UGT2B11: variants seen among roughly 807,000 people sequenced by gnomAD.
UGT2B11 encodes the protein UDP-glucuronosyltransferase 2B11.
UGT2B11 carries 49 observed loss-of-function variants against 51.7 expected under a neutral mutation model. The observed-to-expected ratio is 0.95, with a 90% CI of 0.75 to 1.20. UGT2B11 has a LOEUF of 1.20. UGT2B11 is among the 50% of genes most tolerant of loss of function. UGT2B11 has a pLI of 0.00. For missense variants in UGT2B11, 810 were observed against 622.1 expected, an observed-to-expected ratio of 1.30 and a Z score of -3.21; for synonymous variants, 273 against 209.0, an observed-to-expected ratio of 1.31 and a Z score of -2.64.
At chr4:69,222,510 G>T in the UGT2B11 span, among the ~76,000 whole-genome samples, 1 of 152,122 alleles carries the variant, frequency 6.6e-6, no homozygotes, top group African/African-American at 2.4e-5. Flanking sequence ...CTACACTGAG[G>T]ACTGCCTGTT....
intron 1 of UGT2B11, among the ~76,000 whole-genome samples, chr4:69,213,156 TG>T (rs1722139520): frequency 6.9e-6 from 1 of 145,640 alleles, no homozygotes; most frequent in Non-Finnish European, 1.5e-5. Context: ...CTTTTATCTT[TG>T]GTTCAAGTGA....
chr4:69,214,728 T>C lies in UGT2B11; in HGVS notation c.-6A>G. The C allele has an allele frequency of 1.2e-6, 2 of 1,609,466 alleles. No individual in the cohort carries two copies. The highest frequency in any genetic ancestry group is 1.7e-6 in the Non-Finnish European group (2 of 1,177,652). ...GAAGTCCATTTCAGAGTCATCCTGGTGCAATGCGATCATTCTTTTCCAGTC... is the reference window on the plus strand; with the variant it reads ...GAAGTCCATTTCAGAGTCATCCTGGCGCAATGCGATCATTCTTTTCCAGTC... On this transcript the variant is annotated 5_prime_UTR_variant, in exon 1 of 6. Coordinates refer to ENST00000446444, the MANE Select transcript of UGT2B11 (RefSeq NM_001073.3).
At chr4:69,221,554 C>T in the UGT2B11 span, among the ~76,000 whole-genome samples, 3 of 152,094 alleles carry the variant, frequency 2.0e-5, no homozygotes, top group Non-Finnish European at 4.4e-5. Flanking sequence ...ATGGCCCCAG[C>T]TTTGGCTAAT....
the UGT2B11 span, among the ~76,000 whole-genome samples, chr4:69,224,144 A>G: frequency 6.6e-6 from 1 of 152,126 alleles, no homozygotes; most frequent in Non-Finnish European, 1.5e-5. Context: ...AGAATTTAAG[A>G]CTTTTAAATA....
rs1376133246 is a variant in UGT2B11, at chr4:69,205,338, T to C, written c.1090+142A>G. On this transcript the variant is annotated intron_variant, in intron 4 of 5. Transcript: ENST00000446444. ...TCATAAAATGCCAACAATTCTACCA[T>C]ATTCTTTTCCCCTAGGACTGGAAAA... 8 of 1,111,894 alleles carry C rather than the reference T, an allele frequency of 7.2e-6. No individual in the cohort carries two copies. In the South Asian group the frequency reaches 1.2e-4, roughly 17 times the overall value. 68.9% of individuals were successfully genotyped at this position (1,111,894 alleles called of 1,614,324 possible).
In UGT2B11 at chr4:69,204,569, C is replaced by T; in HGVS notation, c.1171G>A (p.Val391Met). 6.2e-7 allele frequency: 1 copy of T among 1,612,200 alleles called. No individual in the cohort carries two copies. Among genetic ancestry groups the T allele is most frequent in the Non-Finnish European group, 8.5e-7 (1 of 1,178,870 alleles). The stretch of plus-strand genomic sequence containing the variant: ...TGATCAAAAAACAATGGAATGCCCA[C>T]CATAGGGATCCCATGGTAGATTGCC... ...YEAIYHGIPM[V>M]GIPLFFDQPD... Residue 391 changes from valine to methionine, a missense_variant, in exon 5 of 6, where the codon GTG (valine) becomes ATG (methionine). Val to Met is a conservative substitution (Grantham distance 21, BLOSUM62 1). Transcript: ENST00000446444.
intron 3 of UGT2B11, 46 bp downstream of exon 3, chr4:69,208,305 A>C (rs1386204037): frequency 6.2e-7 from 1 of 1,604,658 alleles, no homozygotes; most frequent in Non-Finnish European, 8.5e-7. Flanking sequence ...AAACATTAAC[A>C]GCCTCTTTCA....
chr4:69,214,443 C>T lies in UGT2B11; in HGVS notation c.280G>A (p.Val94Ile). The change falls in exon 1 of 6, where the codon GTT (valine) becomes ATT (isoleucine). Residue 94 changes from valine to isoleucine, a missense_variant. Transcript: ENST00000446444. The stretch of plus-strand genomic sequence containing the variant: ...TTTCGAATGTCTGACCATCTCTTAA[C>T]CTGTTGCATGATGATATTCTCAAAT... ...TEFENIIMQQ[V>I]KRWSDIRKDS... The T allele has an allele frequency of 6.2e-7, 1 of 1,613,120 alleles. No individual in the cohort carries two copies. The highest frequency in any genetic ancestry group is 2.2e-5 in the East Asian group (1 of 44,804).
chr4:69,219,518 GCTGTTA>G (rs1722358662), upstream of UGT2B11, among the ~76,000 whole-genome samples: 1 of 152,020 alleles, frequency 6.6e-6, no homozygotes, highest in African/African-American at 2.4e-5. Context: ...GTTTTCTCAT[GCTGTTA>G]CTAAAGACAT....
Position 69,212,592 on chromosome 4 carries a change from G to A in UGT2B11, c.851C>T (p.Pro284Leu), listed in dbSNP as rs1203267625. The change falls in exon 2 of 6, where the codon CCT becomes CTT. Residue 284 changes from proline (P) to leucine (L), a missense_variant. Coordinates refer to ENST00000446444, the MANE Select transcript of UGT2B11 (RefSeq NM_001073.3). The stretch of plus-strand genomic sequence containing the variant: ...GTTTACCTTAGGTAGGGGTTTGGCA[G>A]GTTTGCAGTGGAATCCTCCAACAAA... Reference protein sequence around the residue: ...VDFVGGFHCKPAKPLPKEMEE... With the variant: ...VDFVGGFHCKLAKPLPKEMEE... 2 of 1,608,282 alleles carry A rather than the reference G, an allele frequency of 1.2e-6. No homozygotes were observed. The highest frequency in any genetic ancestry group is 1.7e-5 in the Admixed American group (1 of 59,434).
upstream of UGT2B11, chr4:69,216,338 T>C (rs1230807718): frequency 1.3e-5 from 2 of 152,054 alleles, no homozygotes; most frequent in Admixed American, 1.3e-4. Context: ...AATGTACTCT[T>C]TGGAAACTTA....
At chr4:69,214,870 C>A, upstream of UGT2B11, 3 of 1,289,414 alleles carry the variant, frequency 2.3e-6, no homozygotes, top group Non-Finnish European at 3.2e-6. Flanking sequence ...GGCAAGGAGA[C>A]AAACAAAGTT....
At chr4:69,206,058 C>G (rs1033284441) in intron 3 of UGT2B11, among the ~76,000 whole-genome samples, 2 of 151,542 alleles carry the variant, frequency 1.3e-5, no homozygotes, top group African/African-American at 4.8e-5. Context: ...TTGTGGAAGA[C>G]AGTGTGGCCA....
the UGT2B11 span, among the ~76,000 whole-genome samples, chr4:69,221,346 A>C: frequency 6.6e-6 from 1 of 152,162 alleles, no homozygotes; most frequent in Admixed American, 6.5e-5. Flanking sequence ...AATATCCTGT[A>C]ATCCTTTGAG....
In UGT2B11 at chr4:69,214,619, T is replaced by C. The variant is rs1428585623; in HGVS notation, c.104A>G (p.His35Arg). ...CAGGATTGTCTTCATATTCATCCAATGGCTGTATTCTGCGGCCCACACCAG... is the reference window on the plus strand; with the variant it reads ...CAGGATTGTCTTCATATTCATCCAACGGCTGTATTCTGCGGCCCACACCAG... ...KVLVWAAEYS[H>R]WMNMKTILKE... is the part of the protein sequence containing the mutation. The change falls in exon 1 of 6, where the codon CAT becomes CGT. Residue 35 changes from histidine to arginine, a missense_variant. Physicochemically the swap from His to Arg is conservative, Grantham distance 29. Coordinates refer to ENST00000446444, the MANE Select transcript of UGT2B11 (RefSeq NM_001073.3). 14 of 1,613,260 alleles carry C rather than the reference T, an allele frequency of 8.7e-6. No homozygotes were observed. The Middle Eastern group carries it at 8.3e-4, about 95-fold the overall frequency.
chr4:69,214,260 GA>G lies in UGT2B11; in HGVS notation c.462del (p.Cys156ValfsTer32). 1 of 1,613,204 alleles carries G rather than the reference GA, an allele frequency of 6.2e-7. No homozygotes were observed. Among genetic ancestry groups the G allele is most frequent in the Non-Finnish European group, 8.5e-7 (1 of 1,179,492 alleles). On this transcript the variant is annotated frameshift_variant, in exon 1 of 6. Coordinates refer to ENST00000446444, the MANE Select transcript of UGT2B11 (RefSeq NM_001073.3). LOFTEE classifies it high-confidence loss of function. ...RFDIVFADAV[F>X]PCGELLAALL... ...AGCGCAGCCAGCAGCTCACCACAGG[GA>G]AAAACAGCATCTGCAAAAACGATGT...
At chr4:69,216,997 T>C (rs1722290746), upstream of UGT2B11, among the ~76,000 whole-genome samples, 1 of 152,190 alleles carries the variant, frequency 6.6e-6, no homozygotes, top group South Asian at 2.1e-4. Flanking sequence ...CATCATTTCA[T>C]GTTTCCTGAC....
At chr4:69,205,277 A>C (rs556071247) in intron 4 of UGT2B11, among the ~76,000 whole-genome samples, 7 of 151,894 alleles carry the variant, frequency 4.6e-5, no homozygotes, top group Admixed American at 1.3e-4. Context: ...AATAAAGATT[A>C]TCTCTGATTC....
intron 2 of UGT2B11, among the ~76,000 whole-genome samples, chr4:69,210,168 C>T (rs1300849104): frequency 6.6e-6 from 1 of 151,498 alleles, no homozygotes; most frequent in Non-Finnish European, 1.5e-5. Flanking sequence ...TGTAATTGAA[C>T]ATTTCATTGA....
Sources: gnomAD v4.1 joint callset for allele counts (sites outside exome capture counted in the v4.1 genomes callset) on GRCh38, gnomAD v4.1.1 for gene constraint, MANE v1.5 for transcripts, NCBI Gene and HGNC (gene_info 2026-07-23, HGNC 2026-07-21) for gene names.